The following CALN1 variants were observed in gnomAD, a reference collection of about 807,000 sequenced individuals.
CALN1 encodes the protein calneuron 1, also known as calcium-binding protein 8.
Under a neutral mutation model 30.6 loss-of-function variants are expected in CALN1, and 17 were observed. The observed-to-expected ratio is 0.56, with a 90% CI of 0.38 to 0.83. CALN1 has a LOEUF of 0.83. Among genes scored for constraint, CALN1 ranks in the 40% least tolerant of loss-of-function variants. The pLI, the probability that CALN1 is intolerant of heterozygous loss-of-function variation, is 0.00. For synonymous variants in CALN1, 156 were observed against 131.4 expected, an observed-to-expected ratio of 1.19 and a Z score of -1.28; for missense variants, 291 against 354.9, an observed-to-expected ratio of 0.82 and a Z score of 1.45.
At chr7:72,378,506 C>T (rs2129560682) in intron 2 of CALN1, among the ~76,000 whole-genome samples, 1 of 152,190 alleles carries the variant, frequency 6.6e-6, no homozygotes, top group East Asian at 1.9e-4. Flanking sequence ...TTAGAGTTCC[C>T]AATCTGCCAC....
chr7:72,492,668 G>A, the CALN1 span, among the ~76,000 whole-genome samples: 1 of 152,232 alleles, frequency 6.6e-6, no homozygotes, highest in Admixed American at 6.5e-5. Context: ...CTAATAGTTG[G>A]ACTAGTGATT....
At chr7:72,191,597 G>A (rs56189838) in intron 3 of CALN1, among the ~76,000 whole-genome samples, 37,273 of 146,718 alleles carry the variant, frequency 0.25, 5,728 homozygotes, top group Non-Finnish European at 0.35. Flanking sequence ...GAGGAAGAAA[G>A]GAGGAAGAGA....
chr7:72,480,549 T>C, the CALN1 span, among the ~76,000 whole-genome samples: 936 of 152,206 alleles, frequency 6.1e-3, 5 homozygotes, highest in Non-Finnish European at 0.01. Flanking sequence ...TCTAGGAGCG[T>C]TTGTGTGGTA....
chr7:72,204,436 T>A (rs906646064), intron 3 of CALN1, among the ~76,000 whole-genome samples: 5 of 152,126 alleles, frequency 3.3e-5, no homozygotes, highest in African/African-American at 1.2e-4. Flanking sequence ...TGCATTCCAG[T>A]CCATGAATAA....
chr7:72,072,264 G>A (rs1804450003), intron 4 of CALN1, among the ~76,000 whole-genome samples: 1 of 152,168 alleles, frequency 6.6e-6, no homozygotes. Context: ...CTTGAAAGTG[G>A]TGAGAGAGAA....
At chr7:71,798,107 G>C (rs9718562) in intron 6 of CALN1, among the ~76,000 whole-genome samples, 3 of 93,240 alleles carry the variant, frequency 3.2e-5, no homozygotes, top group Admixed American at 1.1e-4. Context: ...GAGACAGAGA[G>C]AGACAGAGAC....
At chr7:72,416,522 G>A (rs186260999), upstream of CALN1, among the ~76,000 whole-genome samples, 1 of 152,236 alleles carries the variant, frequency 6.6e-6, no homozygotes, top group African/African-American at 2.4e-5. Flanking sequence ...TCCACCTAAT[G>A]TCAGGTGTTC....
At chr7:71,840,954 T>C (rs1028973896) in intron 5 of CALN1, among the ~76,000 whole-genome samples, 29 of 133,394 alleles carry the variant, frequency 2.2e-4, no homozygotes, top group Non-Finnish European at 4.3e-4. Context: ...CCCTTTTTCT[T>C]TGGAAAAAAA....
chr7:72,186,458 T>C (rs10247132), intron 3 of CALN1, among the ~76,000 whole-genome samples: 35,773 of 151,966 alleles, frequency 0.24, 4,631 homozygotes, highest in Middle Eastern at 0.35. Flanking sequence ...CGGGGGTACA[T>C]GTGCAGGTTT....
intron 6 of CALN1, among the ~76,000 whole-genome samples, chr7:71,808,529 AC>A (rs1171942463): frequency 1.3e-5 from 2 of 152,110 alleles, no homozygotes; most frequent in African/African-American, 4.8e-5. Context: ...ATTAAAGCAA[AC>A]CCAGCAAGGC....
chr7:71,949,922 T>C (rs1562929327), intron 5 of CALN1, among the ~76,000 whole-genome samples: 1 of 152,008 alleles, frequency 6.6e-6, no homozygotes, highest in African/African-American at 2.4e-5. Context: ...CCACTACGCC[T>C]GGCTAATTTT....
rs923542886 is a variant in CALN1, at chr7:72,412,303, A to T, written c.-319T>A. On this transcript the variant is annotated 5_prime_UTR_variant, in exon 1 of 7. Transcript: ENST00000395275. ...TTATTAAGAAGCAGGAAAGAAAAAAACACAAACTCAAGCGGATAGCACCCC... is the reference window on the plus strand; with the variant it reads ...TTATTAAGAAGCAGGAAAGAAAAAATCACAAACTCAAGCGGATAGCACCCC... 16 of 152,092 alleles carry T rather than the reference A, an allele frequency of 1.1e-4. No individual in the cohort carries two copies. Among genetic ancestry groups the T allele is most frequent in the African/African-American group, 3.9e-4 (16 of 41,366 alleles). The allele number at this position is 152,092 out of a possible 1,614,324, so 9.4% of individuals were successfully genotyped here.
At chr7:72,203,979 C>CTAATTTTTTTT (rs59798860) in intron 3 of CALN1, among the ~76,000 whole-genome samples, 1 of 83,778 alleles carries the variant, frequency 1.2e-5, no homozygotes, top group Admixed American at 1.5e-4. Flanking sequence ...AGGCCTCTCT[C>CTAATTTTTTTT]TTTTTTTTTT....
At chr7:72,395,442 C>A (rs1415057093) in intron 2 of CALN1, among the ~76,000 whole-genome samples, 1 of 152,156 alleles carries the variant, frequency 6.6e-6, no homozygotes, top group African/African-American at 2.4e-5. Context: ...AAACCATTTT[C>A]TTGGCTGTAG....
At chr7:72,477,970 C>A in the CALN1 span, among the ~76,000 whole-genome samples, 2 of 152,154 alleles carry the variant, frequency 1.3e-5, no homozygotes, top group South Asian at 2.1e-4. Flanking sequence ...CTCCCTTACC[C>A]ATTATTGACT....
the CALN1 span, among the ~76,000 whole-genome samples, chr7:72,499,877 C>T: frequency 4.8e-5 from 3 of 62,290 alleles, no homozygotes; most frequent in African/African-American, 9.4e-5. Flanking sequence ...TTCTTTCTTT[C>T]TTTCTTTCTT....
chr7:72,168,409 G>C (rs1041797154), intron 3 of CALN1, among the ~76,000 whole-genome samples: 1 of 152,092 alleles, frequency 6.6e-6, no homozygotes, highest in African/African-American at 2.4e-5. Flanking sequence ...GCATGCATAC[G>C]TATTTATGTT....
intron 3 of CALN1, among the ~76,000 whole-genome samples, chr7:72,211,463 A>T (rs140971550): frequency 6.6e-6 from 1 of 152,322 alleles, no homozygotes; most frequent in African/African-American, 2.4e-5. Flanking sequence ...GATCACATGC[A>T]AAGCATCTCT....
At chr7:72,176,922 C>T (rs1585097215) in intron 3 of CALN1, among the ~76,000 whole-genome samples, 1 of 152,142 alleles carries the variant, frequency 6.6e-6, no homozygotes, top group African/African-American at 2.4e-5. Context: ...TTGCTCCCTT[C>T]CAAAACCTCA....
Sources: gnomAD v4.1 joint callset for allele counts (sites outside exome capture counted in the v4.1 genomes callset) on GRCh38, gnomAD v4.1.1 for gene constraint, MANE v1.5 for transcripts, NCBI Gene and HGNC (gene_info 2026-07-23, HGNC 2026-07-21) for gene names.